Variants in SHE observed in about 807,000 individuals in gnomAD.
The protein encoded by SHE is SH2 domain-containing adapter protein E.
SHE carries 11 observed loss-of-function variants against 49.8 expected under a neutral mutation model. The observed-to-expected ratio is 0.22, with a 90% CI of 0.14 to 0.37. The LOEUF (loss-of-function observed/expected upper bound fraction) is 0.37. Ranked by LOEUF, SHE falls within the 10% of genes least tolerant of loss-of-function variation. SHE has a pLI of 1.00. For synonymous variants in SHE, 310 were observed against 278.1 expected, an observed-to-expected ratio of 1.11 and a Z score of -1.14; for missense variants, 624 against 655.5, an observed-to-expected ratio of 0.95 and a Z score of 0.52.
At chr1:154,500,431 T>C (rs1296763409) in intron 1 of SHE, among the ~76,000 whole-genome samples, 1 of 152,184 alleles carries the variant, frequency 6.6e-6, no homozygotes, top group Admixed American at 6.5e-5. Flanking sequence ...AATGGAAGAA[T>C]GAACAGAAGT....
chr1:154,491,748 G>C (rs761203253), intron 2 of SHE, among the ~76,000 whole-genome samples: 2 of 152,352 alleles, frequency 1.3e-5, no homozygotes, highest in East Asian at 3.9e-4. Flanking sequence ...GCAGGTGACA[G>C]TGTGGATCTG....
Position 154,489,234 on chromosome 1 carries a change from C to G in SHE, c.841G>C (p.Asp281His). The G allele has an allele frequency of 1.2e-6, 2 of 1,614,178 alleles. No individual in the cohort carries two copies. The highest frequency in any genetic ancestry group is 1.7e-6 in the Non-Finnish European group (2 of 1,180,018). ...ETLAKRRSSK[D>H]LLGKPPQLYD... ...AGCTGTGGCGGCTTCCCCAGGAGGTCCTTGGAACTCCGTCTTTTGGCCAAG... is the reference window on the plus strand; with the variant it reads ...AGCTGTGGCGGCTTCCCCAGGAGGTGCTTGGAACTCCGTCTTTTGGCCAAG... Residue 281 changes from aspartate to histidine, a missense_variant, in exon 3 of 6, where the codon GAC becomes CAC. Physicochemically the swap from Asp to His is moderately conservative, Grantham distance 81. Transcript: ENST00000304760.
At position 154,502,197 on chromosome 1, in the gene SHE, G is replaced by T. The variant is rs1175499069; in HGVS notation, c.-171C>A. The T allele has an allele frequency of 1.3e-5, 5 of 382,698 alleles. No individual in the cohort carries two copies. The highest frequency in any genetic ancestry group is 1.2e-5 in the Non-Finnish European group (3 of 247,156). The allele number at this position is 382,698 out of a possible 1,614,324, so 23.7% of individuals were successfully genotyped here. On this transcript the variant is annotated 5_prime_UTR_variant, in exon 1 of 6. Transcript: ENST00000304760. ...ACACGGCAGGCGACAGGCACGACGC[G>T]CGGGGGGCCCCGCCCGGGCTCGTCT...
chr1:154,497,878 T>TC (rs1346741370), intron 2 of SHE, among the ~76,000 whole-genome samples: 1 of 151,754 alleles, frequency 6.6e-6, no homozygotes, highest in Non-Finnish European at 1.5e-5. Flanking sequence ...GACAGGGGTT[T>TC]CTCCACGTTG....
At chr1:154,479,386 G>A, downstream of SHE, 1 of 481,650 alleles carries the variant, frequency 2.1e-6, no homozygotes, top group Non-Finnish European at 2.7e-6. Flanking sequence ...AATGGTGACT[G>A]CAAATGAAAC....
At position 154,501,515 on chromosome 1, in the gene SHE, G is replaced by T. The variant is rs746033056; in HGVS notation, c.512C>A (p.Ser171Tyr). 27 of 1,614,122 alleles carry T rather than the reference G, an allele frequency of 1.7e-5. 1 individual carries two copies. The South Asian group carries it at 2.9e-4, about 17-fold the overall frequency. The stretch of plus-strand genomic sequence containing the variant: ...AGGGGAAGAGGACGCGGAGGAAGAG[G>T]AGCTGGAGCTGGAGCTACTGCTGCT... The part of the protein sequence containing the change: ...YPSSSSSSSS[S>Y]SSSASSSPSS... The change falls in exon 1 of 6, where the codon TCC (serine) becomes TAC (tyrosine). Residue 171 changes from serine (S) to tyrosine (Y), a missense_variant. By Grantham distance (144) the Ser-to-Tyr change is moderately radical. Around this residue, in one of 4 missense-constraint regions of SHE, gnomAD observed 337 missense variants for 306.0 expected, o/e 1.10. Coordinates refer to ENST00000304760, the MANE Select transcript of SHE (RefSeq NM_001010846.3).
In SHE at chr1:154,489,186, C is replaced by T. The variant is rs1692286054; in HGVS notation, c.889G>A (p.Ala297Thr). Residue 297 changes from alanine to threonine, a missense_variant, in exon 3 of 6, where the codon GCA (alanine) becomes ACA (threonine). Physicochemically the swap from Ala to Thr is moderately conservative, Grantham distance 58. Around this residue, in one of 4 missense-constraint regions of SHE, gnomAD observed 155 missense variants for 142.0 expected, o/e 1.09. Coordinates refer to ENST00000304760, the MANE Select transcript of SHE (RefSeq NM_001010846.3). ...CCCTCTGCCCTGGGCCCCCCTTCTG[C>T]AGGCTCGTAGGGAGTGTCGTATAGC... ...PQLYDTPYEP[A>T]EGGPRAEGKA... 1 of 1,614,166 alleles carries T rather than the reference C, an allele frequency of 6.2e-7. No homozygotes were observed. Among genetic ancestry groups the T allele is most frequent in the Admixed American group, 1.7e-5 (1 of 60,000 alleles).
At chr1:154,498,975 T>C in intron 2 of SHE, 137 bp downstream of exon 2, 1 of 1,122,600 alleles carries the variant, frequency 8.9e-7, no homozygotes, top group Non-Finnish European at 1.2e-6. Context: ...GTTTGGGGTC[T>C]AATTTCTGTT....
chr1:154,479,317 AG>A (rs1301063046), downstream of SHE, among the ~76,000 whole-genome samples: 2 of 152,216 alleles, frequency 1.3e-5, no homozygotes, highest in Non-Finnish European at 2.9e-5. Context: ...ATGTGAACAG[AG>A]TAAATAAAAG....
At position 154,501,895 on chromosome 1, in the gene SHE, C is replaced by A. The variant is rs778771528; in HGVS notation, c.132G>T (p.Glu44Asp). ...ACACGGTCTTCAGGTTCAGGGGGAACTCCTTGAACCACTTGGCCGCCATGA... is the reference window on the plus strand; with the variant it reads ...ACACGGTCTTCAGGTTCAGGGGGAAATCCTTGAACCACTTGGCCGCCATGA... The part of the protein sequence containing the change: ...GPLMAAKWFK[E>D]FPLNLKTVSE... Residue 44 changes from glutamate (E) to aspartate (D), a missense_variant, in exon 1 of 6, where the codon GAG (glutamate) becomes GAT (aspartate). Physicochemically the swap from Glu to Asp is conservative, Grantham distance 45. Around this residue, in one of 4 missense-constraint regions of SHE, gnomAD observed 337 missense variants for 306.0 expected, o/e 1.10. Transcript: ENST00000304760. The A allele has an allele frequency of 6.6e-7, 1 of 1,516,866 alleles. No individual in the cohort carries two copies. The highest frequency in any genetic ancestry group is 8.8e-7 in the Non-Finnish European group (1 of 1,140,636). 94.0% of individuals were successfully genotyped at this position (1,516,866 alleles called of 1,614,324 possible). A position where few individuals can be genotyped will look rare whatever the true frequency, so the allele number is the denominator to read the frequency against.
At position 154,481,206 on chromosome 1, in the gene SHE, T is replaced by C. The variant is rs984263058; in HGVS notation, c.*2943A>G. Reference sequence around the variant, plus strand: ...TGGGCCTAATTGTTTTTAGAACATATGGAACTTTGTGCCACCACACAGCTG... The same window carrying C: ...TGGGCCTAATTGTTTTTAGAACATACGGAACTTTGTGCCACCACACAGCTG... On this transcript the variant is annotated 3_prime_UTR_variant, in exon 6 of 6. Transcript: ENST00000304760. 26 of 985,324 alleles carry C rather than the reference T, an allele frequency of 2.6e-5. No individual in the cohort carries two copies. The highest frequency in any genetic ancestry group is 2.1e-4 in the African/African-American group (12 of 57,240). The allele number at this position is 985,324 out of a possible 1,614,324, so 61.0% of individuals were successfully genotyped here.
chr1:154,501,142 G>A (rs1316826500), intron 1 of SHE, among the ~76,000 whole-genome samples: 2 of 151,996 alleles, frequency 1.3e-5, no homozygotes, highest in Non-Finnish European at 2.9e-5. Flanking sequence ...TCTATAAAGG[G>A]GTCAAATGTA....
Position 154,484,185 on chromosome 1 carries a change from C to G in SHE, c.1452G>C (p.Met484Ile). ...TGCTGTGCACTGGGTAGAGTAAAGT[C>G]ATGTGTTCTGCCCCTTTGAAAGGCA... is the stretch of plus-strand genomic sequence containing the variant. ...EKLPFKGAEH[M>I]TLLYPVHSKL... Residue 484 changes from methionine (M) to isoleucine (I), a missense_variant, in exon 6 of 6, where the codon ATG (methionine) becomes ATC (isoleucine). Transcript: ENST00000304760. The G allele has an allele frequency of 6.2e-7, 1 of 1,614,188 alleles. No individual in the cohort carries two copies. The highest frequency in any genetic ancestry group is 8.5e-7 in the Non-Finnish European group (1 of 1,180,030).
chr1:154,491,484 T>A (rs1692362337), intron 2 of SHE, among the ~76,000 whole-genome samples: 1 of 152,234 alleles, frequency 6.6e-6, no homozygotes, highest in Non-Finnish European at 1.5e-5. Context: ...AAGGCTTTCC[T>A]GCCCACCTTC....
chr1:154,471,481 G>A (rs1425359179), intron 1 of SHE, among the ~76,000 whole-genome samples: 2 of 151,920 alleles, frequency 1.3e-5, no homozygotes, highest in African/African-American at 2.4e-5. Flanking sequence ...AGGGTGAGGC[G>A]GGAGGATTGC....
chr1:154,484,042 C>A lies in SHE; in HGVS notation c.*107G>T, dbSNP rs1441726734. 25 of 1,468,828 alleles carry A rather than the reference C, an allele frequency of 1.7e-5. No individual in the cohort carries two copies. Among genetic ancestry groups the A allele is most frequent in the Non-Finnish European group, 2.7e-6 (3 of 1,107,344 alleles). The allele number at this position is 1,468,828 out of a possible 1,614,324, so 91.0% of individuals were successfully genotyped here. A position where few individuals can be genotyped will look rare whatever the true frequency, so the allele number is the denominator to read the frequency against. On this transcript the variant is annotated 3_prime_UTR_variant, in exon 6 of 6. Transcript: ENST00000304760. ...ACTCTCTGACTTTTCAAGGAAGACT[C>A]CCATTTTCTAGCAGTTGCTAGTCCA... is the stretch of plus-strand genomic sequence containing the variant.
In SHE at chr1:154,496,384, G is replaced by C. The variant is rs560009925; in HGVS notation, c.718+2728C>G. On this transcript the variant is annotated intron_variant, in intron 2 of 5. Transcript: ENST00000304760. The stretch of plus-strand genomic sequence containing the variant: ...TTATTTTCAGAAATTGTTTAAAACA[G>C]AGCATGGAACTTAATACACACTCAA... Among the ~76,000 whole-genome samples the C allele has an allele frequency of 3.6e-4, 55 of 152,280 alleles. 1 individual carries two copies. Among genetic ancestry groups the C allele is most frequent in the African/African-American group, 1.3e-3 (53 of 41,554 alleles).
Position 154,501,548 on chromosome 1 carries a change from T to C in SHE, c.479A>G (p.Asn160Ser). 1 of 1,614,124 alleles carries C rather than the reference T, an allele frequency of 6.2e-7. No homozygotes were observed. Among genetic ancestry groups the C allele is most frequent in the Non-Finnish European group, 8.5e-7 (1 of 1,179,972 alleles). Residue 160 changes from asparagine to serine, a missense_variant, in exon 1 of 6, where the codon AAC becomes AGC. Asn to Ser is a conservative substitution (Grantham distance 46). Coordinates refer to ENST00000304760, the MANE Select transcript of SHE (RefSeq NM_001010846.3). The stretch of plus-strand genomic sequence containing the variant: ...GCTGGAGCTACTGCTGCTGGGGTAG[T>C]TGCTCTTCCCGTTCTTCTCCTGAGT... ...VDTQEKNGKS[N>S]YPSSSSSSSS...
intron 3 of SHE, among the ~76,000 whole-genome samples, chr1:154,488,554 G>A (rs572163259): frequency 5.1e-4 from 77 of 151,564 alleles, no homozygotes; most frequent in African/African-American, 1.8e-3. Flanking sequence ...CACTGTGCCC[G>A]GCTTGGTTAT....
Sources: allele counts gnomAD v4.1 joint callset (sites outside exome capture counted in the v4.1 genomes callset), GRCh38; gene constraint gnomAD v4.1.1; regional missense constraint gnomAD v4.1.1; transcripts MANE v1.5; gene names NCBI Gene and HGNC (gene_info 2026-07-23, HGNC 2026-07-21).